Variants in CHLSN observed in about 807,000 individuals in gnomAD.
CHLSN encodes cholesin, also known as protein cholesin.
chr7:1,032,040 C>T, the CHLSN span, among the ~76,000 whole-genome samples: 1 of 152,118 alleles, frequency 6.6e-6, no homozygotes, highest in African/African-American at 2.4e-5. Flanking sequence ...CCATGTGGAA[C>T]ATTCTGAGTC....
chr7:995,367 G>T, the CHLSN span, among the ~76,000 whole-genome samples: 2 of 152,256 alleles, frequency 1.3e-5, no homozygotes, highest in Admixed American at 6.5e-5. Context: ...CCCAGCCGGT[G>T]TCAGGGGAGC....
chr7:1,016,290 TGCACGCCAGCACATAGCA>T, the CHLSN span, among the ~76,000 whole-genome samples: 4 of 13,612 alleles, frequency 2.9e-4, 1 homozygote, highest in African/African-American at 1.6e-3. Context: ...CACACAGCAG[TGCACGCCAGCACATAGCA>T]GCACAGCAGC....
the CHLSN span, chr7:1,045,932 G>A: frequency 6.6e-6 from 1 of 152,272 alleles, no homozygotes; most frequent in African/African-American, 2.4e-5. Context: ...GGAGGACAGA[G>A]GAACACAGAT....
At chr7:1,012,298 C>T in the CHLSN span, among the ~76,000 whole-genome samples, 1 of 152,260 alleles carries the variant, frequency 6.6e-6, no homozygotes, top group Non-Finnish European at 1.5e-5. Context: ...GGTAGGGTCC[C>T]AGGTTGGTGG....
At chr7:1,033,083 C>A in the CHLSN span, among the ~76,000 whole-genome samples, 1 of 152,232 alleles carries the variant, frequency 6.6e-6, no homozygotes, top group African/African-American at 2.4e-5. Flanking sequence ...GGAACACAGC[C>A]CAGCTCGGTC....
chr7:1,044,593 C>G, the CHLSN span: 1 of 150,960 alleles, frequency 6.6e-6, no homozygotes, highest in East Asian at 1.9e-4. Context: ...CCGTGAGCCC[C>G]GCCGCCTCCG....
At chr7:1,016,774 A>AGCAGCGC in the CHLSN span, among the ~76,000 whole-genome samples, 1 of 74,752 alleles carries the variant, frequency 1.3e-5, no homozygotes, top group Non-Finnish European at 2.4e-5. Flanking sequence ...CACAGCGCAC[A>AGCAGCGC]GCAGCGCACA....
the CHLSN span, among the ~76,000 whole-genome samples, chr7:1,006,401 C>T: frequency 9.9e-5 from 14 of 141,592 alleles, no homozygotes; most frequent in African/African-American, 2.7e-4. Flanking sequence ...CGCACGACGG[C>T]CATACTGCAG....
the CHLSN span, among the ~76,000 whole-genome samples, chr7:1,079,300 G>T: frequency 6.6e-6 from 1 of 152,244 alleles, no homozygotes; most frequent in Non-Finnish European, 1.5e-5. Context: ...GGCAACGCCC[G>T]GCTGCTCGTC....
the CHLSN span, among the ~76,000 whole-genome samples, chr7:1,007,992 C>CT: frequency 1.3e-5 from 2 of 152,154 alleles, no homozygotes; most frequent in African/African-American, 4.8e-5. Flanking sequence ...TCCCCCTTGT[C>CT]TAACAGTCCA....
the CHLSN span, among the ~76,000 whole-genome samples, chr7:1,126,087 A>C: frequency 0.69 from 104,755 of 152,020 alleles, 37,225 homozygotes; most frequent in African/African-American, 0.86. Flanking sequence ...CAGGGCCTGG[A>C]GCAGTGGCTC....
chr7:986,862 A>T, the CHLSN span: 2 of 1,425,942 alleles, frequency 1.4e-6, no homozygotes, highest in East Asian at 2.5e-5. Flanking sequence ...CCAGGGGAGC[A>T]CGGCTGGGGA....
the CHLSN span, chr7:987,357 G>A: frequency 6.3e-7 from 1 of 1,583,886 alleles, no homozygotes. Flanking sequence ...GCCGGGTGCA[G>A]GAGGAGCTAG....
the CHLSN span, among the ~76,000 whole-genome samples, chr7:1,103,784 G>C: frequency 6.6e-6 from 1 of 152,224 alleles, no homozygotes; most frequent in Non-Finnish European, 1.5e-5. Context: ...AGACGGGTCT[G>C]CGGTTGTCCC....
At chr7:984,597 G>A in the CHLSN span, 62 of 1,549,414 alleles carry the variant, frequency 4.0e-5, 1 homozygote, top group Non-Finnish European at 5.1e-5. Context: ...CCGGCGCTAC[G>A]GGGCCTACTG....
chr7:987,665 G>A, the CHLSN span: 1 of 921,830 alleles, frequency 1.1e-6, no homozygotes, highest in South Asian at 1.8e-5. Context: ...GCAATAAAGG[G>A]CGTCCAGCCA....
chr7:983,583 T>C, the CHLSN span, among the ~76,000 whole-genome samples: 15 of 152,196 alleles, frequency 9.9e-5, no homozygotes, highest in East Asian at 2.9e-3. Context: ...GCAGACACAC[T>C]GAGTACGAAG....
the CHLSN span, among the ~76,000 whole-genome samples, chr7:1,014,953 G>T: frequency 6.6e-6 from 1 of 152,222 alleles, no homozygotes; most frequent in East Asian, 1.9e-4. Context: ...AGGTGTGCAG[G>T]CTGTGCGGTG....
chr7:987,361 G>T, the CHLSN span: 2 of 1,589,346 alleles, frequency 1.3e-6, no homozygotes, highest in South Asian at 1.1e-5. Context: ...GGTGCAGGAG[G>T]AGCTAGACCG....
Sources: allele counts gnomAD v4.1 joint callset (sites outside exome capture counted in the v4.1 genomes callset), GRCh38; gene constraint gnomAD v4.1.1; transcripts MANE v1.5; gene names NCBI Gene and HGNC (gene_info 2026-07-23, HGNC 2026-07-21).